The following KLF7 variants were observed in gnomAD, a reference collection of about 807,000 sequenced individuals.
KLF7 encodes Krueppel-like factor 7.
A neutral mutation model predicts 27.3 loss-of-function variants in KLF7; 2 were observed. The observed-to-expected ratio is 0.07, with a 90% CI of 0.03 to 0.23. The LOEUF (loss-of-function observed/expected upper bound fraction) is 0.23. Ranked by LOEUF, KLF7 falls within the 10% of genes least tolerant of loss-of-function variation. The probability of loss-of-function intolerance (pLI) is 1.00; values close to 1 mark genes in which losing one functional copy is unlikely to be tolerated. For synonymous variants in KLF7, 165 were observed against 162.4 expected, an observed-to-expected ratio of 1.02 and a Z score of -0.12; for missense variants, 221 against 394.1, an observed-to-expected ratio of 0.56 and a Z score of 3.72.
chr2:207,148,596 T>C (rs1237921818), intron 1 of KLF7, among the ~76,000 whole-genome samples: 1 of 152,240 alleles, frequency 6.6e-6, no homozygotes, highest in Non-Finnish European at 1.5e-5. Context: ...ATTTTGCCCA[T>C]ATTTTTTTAA....
chr2:207,163,132 C>T (rs923102268), intron 1 of KLF7, among the ~76,000 whole-genome samples: 1 of 152,180 alleles, frequency 6.6e-6, no homozygotes, highest in African/African-American at 2.4e-5. Flanking sequence ...TCAGTGTAAA[C>T]CTATGGTCCT....
chr2:207,157,221 A>T (rs1459919199), intron 1 of KLF7, among the ~76,000 whole-genome samples: 6 of 13,996 alleles, frequency 4.3e-4, no homozygotes, highest in African/African-American at 2.2e-3. Flanking sequence ...CAGAAAAGTA[A>T]AAAAAAAAAA....
intron 2 of KLF7, among the ~76,000 whole-genome samples, chr2:207,119,444 C>G (rs1032101373): frequency 3.5e-5 from 5 of 142,794 alleles, no homozygotes; most frequent in African/African-American, 1.3e-4. Context: ...TTGATTTTTG[C>G]TGAGAATGAG....
Position 207,080,239 on chromosome 2 carries a change from G to A in KLF7, c.*974C>T, listed in dbSNP as rs2076244616. 1 of 152,178 alleles carries A rather than the reference G, an allele frequency of 6.6e-6. No homozygotes were observed. The highest frequency in any genetic ancestry group is 2.1e-4 in the South Asian group (1 of 4,832). 9.4% of individuals were successfully genotyped at this position (152,178 alleles called of 1,614,324 possible). On this transcript the variant is annotated 3_prime_UTR_variant, in exon 4 of 4. Transcript: ENST00000309446. ...GTCCTGGAGAGGTTTAGTCCATGGAGAAAAGATAAAACATTTAAGCTTCCA... is the reference window on the plus strand; with the variant it reads ...GTCCTGGAGAGGTTTAGTCCATGGAAAAAAGATAAAACATTTAAGCTTCCA...
intron 3 of KLF7, among the ~76,000 whole-genome samples, chr2:207,086,635 TTC>T (rs1266642859): frequency 6.6e-6 from 1 of 152,212 alleles, no homozygotes; most frequent in African/African-American, 2.4e-5. Context: ...TTTGGAACAT[TTC>T]TCCACGTAAA....
intron 2 of KLF7, among the ~76,000 whole-genome samples, chr2:207,106,956 A>T (rs144770968): frequency 6.6e-6 from 1 of 152,266 alleles, no homozygotes; most frequent in East Asian, 1.9e-4. Context: ...TTGGTCACTT[A>T]TAAGCTGGGC....
intron 1 of KLF7, among the ~76,000 whole-genome samples, chr2:207,146,019 T>A (rs1459344363): frequency 6.6e-6 from 1 of 152,234 alleles, no homozygotes; most frequent in Non-Finnish European, 1.5e-5. Flanking sequence ...TGAACGAGTG[T>A]GACCATTCTA....
intron 2 of KLF7, among the ~76,000 whole-genome samples, chr2:207,117,945 G>A (rs1159238699): frequency 1.3e-5 from 2 of 152,112 alleles, no homozygotes; most frequent in Non-Finnish European, 2.9e-5. Flanking sequence ...TCCTTTGCTG[G>A]TCACTCCATG....
chr2:207,080,962 C>T lies in KLF7; in HGVS notation c.*251G>A. ...CCTGGTTTCCTTCTTCATCTTCTTC[C>T]ATCTGGCTAGGGCAAGGCATAAAGA... On this transcript the variant is annotated 3_prime_UTR_variant, in exon 4 of 4. Coordinates refer to ENST00000309446, the MANE Select transcript of KLF7 (RefSeq NM_003709.4). 1 of 439,636 alleles carries T rather than the reference C, an allele frequency of 2.3e-6. No individual in the cohort carries two copies. Among genetic ancestry groups the T allele is most frequent in the Non-Finnish European group, 4.0e-6 (1 of 249,406 alleles). The allele number at this position is 439,636 out of a possible 1,614,324, so 27.2% of individuals were successfully genotyped here. A position where few individuals can be genotyped will look rare whatever the true frequency, so the allele number is the denominator to read the frequency against.
At chr2:207,095,338 A>G (rs745788617) in intron 2 of KLF7, among the ~76,000 whole-genome samples, 80 of 151,998 alleles carry the variant, frequency 5.3e-4, no homozygotes, top group Non-Finnish European at 9.6e-4. Context: ...GTGAGCCACC[A>G]CGCCCGGCCT....
intron 2 of KLF7, among the ~76,000 whole-genome samples, chr2:207,108,915 T>C (rs2105929466): frequency 6.6e-6 from 1 of 152,324 alleles, no homozygotes; most frequent in Middle Eastern, 3.4e-3. Context: ...AAAGCTCTGG[T>C]GTAACTGAGA....
In KLF7 at chr2:207,110,150, C is replaced by T. The variant is rs184298859; in HGVS notation, c.733+13624G>A. ...TTCACAGCTCCTGACAAAATGCAGA[C>T]ATAAAGTATGTGTCCATTAGATAAG... On this transcript the variant is annotated intron_variant, in intron 2 of 3. Coordinates refer to ENST00000309446, the MANE Select transcript of KLF7 (RefSeq NM_003709.4). The T allele has an allele frequency of 1.7e-3, 258 of 154,874 alleles. 3 individuals carry two copies. The highest frequency in any genetic ancestry group is 5.7e-3 in the African/African-American group (239 of 41,620). The allele number at this position is 154,874 out of a possible 1,614,324, so 9.6% of individuals were successfully genotyped here.
chr2:207,163,464 T>C (rs961948917), intron 1 of KLF7, among the ~76,000 whole-genome samples: 5 of 152,200 alleles, frequency 3.3e-5, no homozygotes, highest in South Asian at 2.1e-4. Context: ...TAGGAAACAA[T>C]AGATCTAATA....
rs562617908 is a variant in KLF7 at position 207,116,567 on chromosome 2, C to T, written c.733+7207G>A. On this transcript the variant is annotated intron_variant, in intron 2 of 3. Transcript: ENST00000309446. Reference sequence around the variant, plus strand: ...CTTTACAAAGCTCCACATAGCTTTCCTTGAACCTTCCTATATTATATGTAC... The same window carrying T: ...CTTTACAAAGCTCCACATAGCTTTCTTTGAACCTTCCTATATTATATGTAC... 5.6e-3 allele frequency among the ~76,000 whole-genome samples: 855 copies of T among 152,272 alleles called. 4 individuals are homozygous for T. Among genetic ancestry groups the T allele is most frequent in the Non-Finnish European group, 0.01 (683 of 68,012 alleles).
chr2:207,137,592 A>G (rs1416783322), intron 1 of KLF7, among the ~76,000 whole-genome samples: 3 of 152,234 alleles, frequency 2.0e-5, no homozygotes, highest in Admixed American at 2.0e-4. Context: ...AATCCAATTA[A>G]GAGGGTATGG....
chr2:207,126,921 G>C (rs1240583394), intron 1 of KLF7, among the ~76,000 whole-genome samples: 1 of 143,760 alleles, frequency 7.0e-6, no homozygotes, highest in Non-Finnish European at 1.5e-5. Context: ...CCTGTGAATA[G>C]AGTTTTTGTA....
intron 1 of KLF7, among the ~76,000 whole-genome samples, chr2:207,135,711 T>A (rs1047736151): frequency 6.6e-6 from 1 of 152,144 alleles, no homozygotes; most frequent in African/African-American, 2.4e-5. Flanking sequence ...CAAAGGAACA[T>A]CAGAAGCAGT....
chr2:207,089,562 G>T (rs2076464239), intron 2 of KLF7, among the ~76,000 whole-genome samples: 1 of 152,060 alleles, frequency 6.6e-6, no homozygotes, highest in Non-Finnish European at 1.5e-5. Flanking sequence ...GGAAACCTGT[G>T]AAATCATGAA....
intron 2 of KLF7, among the ~76,000 whole-genome samples, chr2:207,089,591 G>C (rs1008290341): frequency 6.6e-6 from 1 of 152,072 alleles, no homozygotes; most frequent in African/African-American, 2.4e-5. Context: ...ACTGAGCCCC[G>C]TCACTGAGAG....
Sources: gnomAD v4.1 joint callset for allele counts (sites outside exome capture counted in the v4.1 genomes callset) on GRCh38, gnomAD v4.1.1 for gene constraint, MANE v1.5 for transcripts, NCBI Gene and HGNC (gene_info 2026-07-23, HGNC 2026-07-21) for gene names.